The following ZNF230 variants were observed in gnomAD, a reference collection of about 807,000 sequenced individuals.
ZNF230 encodes the protein zinc finger protein FDZF2.
Under a neutral mutation model 10.0 loss-of-function variants are expected in ZNF230, and 12 were observed. The ratio of observed to expected loss-of-function variants is 1.20; its 90% CI spans 0.77 to 1.95. The LOEUF (loss-of-function observed/expected upper bound fraction) is 1.95, where lower values mean the gene tolerates loss of function less well. Among genes scored for constraint, ZNF230 ranks in the 30% most tolerant of loss-of-function variants. The pLI, the probability that ZNF230 is intolerant of heterozygous loss-of-function variation, is 0.00. For synonymous variants in ZNF230, 174 were observed against 193.6 expected (o/e 0.90, Z 0.84); for missense variants, 532 against 565.8 (o/e 0.94, Z 0.61).
Position 44,010,369 on chromosome 19 carries a change from C to T in ZNF230, c.330C>T (p.Ile110=), listed in dbSNP as rs1325647759. Residue 110 remains isoleucine (I), a synonymous_variant, in exon 5 of 5, where the codon ATC becomes ATT. Coordinates refer to ENST00000429154, the MANE Select transcript of ZNF230 (RefSeq NM_006300.4). ...ACTTAACCCAGTCTCAAGACTCCAT[C>T]ATAAATAATTCTCACTTCTTTGAAC... ...ASDLTQSQDS[I]INNSHFFEQG... 1 of 1,614,224 alleles carries T rather than the reference C, an allele frequency of 6.2e-7. No homozygotes were observed. The highest frequency in any genetic ancestry group is 8.5e-7 in the Non-Finnish European group (1 of 1,180,026).
chr19:44,011,533 A>C lies in ZNF230; in HGVS notation c.*69A>C. The C allele has an allele frequency of 7.1e-7, 1 of 1,400,242 alleles. No homozygotes were observed. The highest frequency in any genetic ancestry group is 9.7e-7 in the Non-Finnish European group (1 of 1,034,656). 86.7% of individuals were successfully genotyped at this position (1,400,242 alleles called of 1,614,324 possible). A position where few individuals can be genotyped will look rare whatever the true frequency, so the allele number is the denominator to read the frequency against. On this transcript the variant is annotated 3_prime_UTR_variant, in exon 5 of 5. Coordinates refer to ENST00000429154, the MANE Select transcript of ZNF230 (RefSeq NM_006300.4). The stretch of plus-strand genomic sequence containing the variant: ...TATATAATACGTAATGATCAAATTG[A>C]TGTAATTAGTGTATTACCTTAAACA...
chr19:44,012,070 T>TA lies in ZNF230; in HGVS notation c.*606_*607insA. ...GTAGATATCTGATCCACATACTGAT[T>TA]TCCTTTGCTTTGGATATACTCAATA... On this transcript the variant is annotated 3_prime_UTR_variant, in exon 5 of 5. Coordinates refer to ENST00000429154, the MANE Select transcript of ZNF230 (RefSeq NM_006300.4). The TA allele has an allele frequency of 4.4e-6, 1 of 226,588 alleles. No homozygotes were observed. The highest frequency in any genetic ancestry group is 8.8e-6 in the Non-Finnish European group (1 of 113,410). 14.0% of individuals were successfully genotyped at this position (226,588 alleles called of 1,614,324 possible).
At chr19:44,005,244 A>G (rs1177468800) in intron 1 of ZNF230, among the ~76,000 whole-genome samples, 2 of 152,236 alleles carry the variant, frequency 1.3e-5, no homozygotes, top group East Asian at 1.9e-4. Flanking sequence ...AAATTTGCCA[A>G]TTGTTTACAT....
At chr19:44,009,217 A>G (rs1262408591) in intron 4 of ZNF230, 47 bp downstream of exon 4, 20 of 1,597,704 alleles carry the variant, frequency 1.3e-5, no homozygotes, top group East Asian at 4.5e-5. Context: ...TTTCTTTCCC[A>G]TTTGTTTTAC....
Position 44,010,726 on chromosome 19 carries a change from T to C in ZNF230, c.687T>C (p.Cys229=). ...AGAAACCATTCAAATGTGAGCAATG[T>C]GGGAAAGGCTTCAGATGTAGAGCGA... ...TGEKPFKCEQ[C]GKGFRCRAIL... is the part of the protein sequence containing the mutation. The change falls in exon 5 of 5, where the codon TGT becomes TGC. Residue 229 remains cysteine, a synonymous_variant. Transcript: ENST00000429154. 6.2e-7 allele frequency: 1 copy of C among 1,614,180 alleles called. No homozygotes were observed. The highest frequency in any genetic ancestry group is 8.5e-7 in the Non-Finnish European group (1 of 1,180,024).
intron 4 of ZNF230, chr19:44,009,381 AAGTC>A: frequency 1.7e-6 from 1 of 605,934 alleles, no homozygotes; most frequent in South Asian, 2.2e-5. Context: ...TGGGAAATGC[AAGTC>A]AGTTTTCCAC....
rs2147425055 is a variant in ZNF230, at chr19:44,008,925, A to G, written c.142+9A>G. 1 of 1,613,472 alleles carries G rather than the reference A, an allele frequency of 6.2e-7. No individual in the cohort carries two copies. The highest frequency in any genetic ancestry group is 8.5e-7 in the Non-Finnish European group (1 of 1,179,594). On this transcript the variant is annotated intron_variant, in intron 3 of 4. Coordinates refer to ENST00000429154, the MANE Select transcript of ZNF230 (RefSeq NM_006300.4). Reference sequence around the variant, plus strand: ...GAACCTGCTGTCAGTGGGTGAGCACAGGCACCCTCTGTAATGGTACATCAG... The same window carrying G: ...GAACCTGCTGTCAGTGGGTGAGCACGGGCACCCTCTGTAATGGTACATCAG...
At chr19:44,009,522 C>T (rs978267460) in intron 4 of ZNF230, among the ~76,000 whole-genome samples, 10 of 152,212 alleles carry the variant, frequency 6.6e-5, no homozygotes, top group Admixed American at 6.5e-5. Context: ...GTCCTCTCGC[C>T]CTTGCATCAT....
Position 44,011,080 on chromosome 19 carries a change from G to A in ZNF230, c.1041G>A (p.Trp347Ter). Residue 347 changes from tryptophan (W) to a stop codon, truncating the protein, a stop_gained, in exon 5 of 5, where the codon TGG becomes TGA. Transcript: ENST00000429154. LOFTEE classifies it low-confidence loss of function (END_TRUNC). The stretch of plus-strand genomic sequence containing the variant: ...AAGAATGTGGGAAGAGCTTCAGATG[G>A]TCCTCATATCTTTTGATCCATCAGC... Reference protein sequence around the residue: ...NCKECGKSFRWSSYLLIHQRI... With the variant: ...NCKECGKSFR The A allele has an allele frequency of 1.9e-6, 3 of 1,614,184 alleles. No individual in the cohort carries two copies. Among genetic ancestry groups the A allele is most frequent in the Non-Finnish European group, 2.5e-6 (3 of 1,180,026 alleles).
At chr19:44,007,755 C>G (rs531132733) in intron 2 of ZNF230, among the ~76,000 whole-genome samples, 76 of 152,308 alleles carry the variant, frequency 5.0e-4, no homozygotes, top group African/African-American at 1.8e-3. Context: ...ATCATTCTGT[C>G]TTCTTTATAA....
Position 44,013,420 on chromosome 19 carries a change from G to A in ZNF230, c.*1956G>A, listed in dbSNP as rs1188711729. 6.6e-6 allele frequency: 1 copy of A among 152,150 alleles called. No individual in the cohort carries two copies. Among genetic ancestry groups the A allele is most frequent in the Admixed American group, 6.5e-5 (1 of 15,284 alleles). The allele number at this position is 152,150 out of a possible 1,614,324, so 9.4% of individuals were successfully genotyped here. ...TTTTGTAAGCAGTGTATATCAGAAT[G>A]TATAAGGTACAAGTGTTTTACCTGG... On this transcript the variant is annotated 3_prime_UTR_variant, in exon 5 of 5. Transcript: ENST00000429154.
chr19:44,007,554 T>C (rs1976135036), intron 2 of ZNF230, among the ~76,000 whole-genome samples: 1 of 152,184 alleles, frequency 6.6e-6, no homozygotes, highest in South Asian at 2.1e-4. Flanking sequence ...TCCATTTCTC[T>C]TAGATGCTCC....
chr19:44,008,575 A>C lies in ZNF230; in HGVS notation c.16-215A>C, dbSNP rs371063011. 3.4e-4 allele frequency among the ~76,000 whole-genome samples: 52 copies of C among 152,350 alleles called. No individual in the cohort carries two copies. The East Asian group carries it at 5.6e-3, about 16-fold the overall frequency. On this transcript the variant is annotated intron_variant, in intron 2 of 4. Transcript: ENST00000429154. ...TTGAAATCCTAAGGGGTTACTTACA[A>C]GGAGACTCAGTAAGTGCACAAAGTA...
chr19:44,013,523 T>C lies in ZNF230; in HGVS notation c.*2059T>C, dbSNP rs1010839895. 2.0e-5 allele frequency: 3 copies of C among 152,174 alleles called. No homozygotes were observed. Among genetic ancestry groups the C allele is most frequent in the African/African-American group, 7.2e-5 (3 of 41,442 alleles). The allele number at this position is 152,174 out of a possible 1,614,324, so 9.4% of individuals were successfully genotyped here. On this transcript the variant is annotated 3_prime_UTR_variant, in exon 5 of 5. Transcript: ENST00000429154. ...AAACCACATGGATGATATCACCCCATTTTAAAATGGAATAAGTATTCAACA... is the reference window on the plus strand; with the variant it reads ...AAACCACATGGATGATATCACCCCACTTTAAAATGGAATAAGTATTCAACA...
rs73933979 is a variant in ZNF230 at position 44,010,676 on chromosome 19, A to G, written c.637A>G (p.Thr213Ala). Reference protein sequence around the residue: ...KEFSQSSCLQTRERVHTGEKP... With the variant: ...KEFSQSSCLQARERVHTGEKP... ...ATTCAGTCAGAGCTCATGTCTGCAA[A>G]CTCGTGAGAGAGTCCACACTGGAGA... Residue 213 changes from threonine to alanine, a missense_variant, in exon 5 of 5, where the codon ACT becomes GCT. Coordinates refer to ENST00000429154, the MANE Select transcript of ZNF230 (RefSeq NM_006300.4). 1.9e-3 allele frequency: 3,093 copies of G among 1,614,226 alleles called. 44 individuals are homozygous for G. In the African/African-American group the frequency reaches 0.036, roughly 19 times the overall value.
intron 1 of ZNF230, among the ~76,000 whole-genome samples, chr19:44,006,446 C>T (rs1309802712): frequency 6.6e-6 from 1 of 152,164 alleles, no homozygotes; most frequent in Non-Finnish European, 1.5e-5. Context: ...AGGTAAATGA[C>T]ATGTGGATTA....
In ZNF230 at chr19:44,013,886, G is replaced by C. The variant is rs1219700810; in HGVS notation, c.*2422G>C. 1.3e-5 allele frequency: 2 copies of C among 152,108 alleles called. No homozygotes were observed. The highest frequency in any genetic ancestry group is 2.9e-5 in the Non-Finnish European group (2 of 68,032). The allele number at this position is 152,108 out of a possible 1,614,324, so 9.4% of individuals were successfully genotyped here. A position where few individuals can be genotyped will look rare whatever the true frequency, so the allele number is the denominator to read the frequency against. ...ATTAACGTTAATCACTTACCTACCA[G>C]GACTCAGAATCTCAGAATAAAATTG... On this transcript the variant is annotated 3_prime_UTR_variant, in exon 5 of 5. Coordinates refer to ENST00000429154, the MANE Select transcript of ZNF230 (RefSeq NM_006300.4).
rs1432487906 is a variant in ZNF230 at position 44,012,803 on chromosome 19, C to T, written c.*1339C>T. On this transcript the variant is annotated 3_prime_UTR_variant, in exon 5 of 5. Coordinates refer to ENST00000429154, the MANE Select transcript of ZNF230 (RefSeq NM_006300.4). ...TAATTCAGGGACACGAGTTAAAATG[C>T]AGAATACACTCAGTTCTGCAATCCA... 1 of 215,640 alleles carries T rather than the reference C, an allele frequency of 4.6e-6. No homozygotes were observed. Among genetic ancestry groups the T allele is most frequent in the Non-Finnish European group, 9.3e-6 (1 of 107,584 alleles). The allele number at this position is 215,640 out of a possible 1,614,324, so 13.4% of individuals were successfully genotyped here.
chr19:44,011,613 A>G lies in ZNF230; in HGVS notation c.*149A>G, dbSNP rs1429260885. The G allele has an allele frequency of 1.2e-6, 1 of 858,296 alleles. No homozygotes were observed. The highest frequency in any genetic ancestry group is 1.7e-6 in the Non-Finnish European group (1 of 580,278). The allele number at this position is 858,296 out of a possible 1,614,324, so 53.2% of individuals were successfully genotyped here. A position where few individuals can be genotyped will look rare whatever the true frequency, so the allele number is the denominator to read the frequency against. ...AAAATCCATTGTTCTAGCGATTTGA[A>G]AAGAAACAATAAATTATTGTTGATT... On this transcript the variant is annotated 3_prime_UTR_variant, in exon 5 of 5. Transcript: ENST00000429154.
Sources: gnomAD v4.1 joint callset for allele counts (sites outside exome capture counted in the v4.1 genomes callset) on GRCh38, gnomAD v4.1.1 for gene constraint, MANE v1.5 for transcripts, NCBI Gene and HGNC (gene_info 2026-07-23, HGNC 2026-07-21) for gene names.